The following RBFOX3 variants were observed in gnomAD, a reference collection of about 807,000 sequenced individuals.
The protein encoded by RBFOX3 is RNA binding fox-1 homolog 3, also known as RNA binding protein fox-1 homolog 3.
RBFOX3 carries 17 observed loss-of-function variants against 48.7 expected under a neutral mutation model. That is an observed-to-expected ratio of 0.35 (90% confidence interval 0.24 to 0.52). The LOEUF (loss-of-function observed/expected upper bound fraction) is 0.52. Among genes scored for constraint, RBFOX3 ranks in the 20% least tolerant of loss-of-function variants. The probability of loss-of-function intolerance (pLI) is 0.94; values close to 1 mark genes in which losing one functional copy is unlikely to be tolerated. For synonymous variants in RBFOX3, 212 were observed against 209.5 expected (o/e 1.01, Z -0.10); for missense variants, 382 against 497.5 (o/e 0.77, Z 2.21).
chr17:79,243,489 G>A lies in RBFOX3; in HGVS notation c.-73-7684C>T, dbSNP rs766292391. Among the ~76,000 whole-genome samples the A allele has an allele frequency of 1.3e-5, 2 of 151,818 alleles. No individual in the cohort carries two copies. Among genetic ancestry groups the A allele is most frequent in the African/African-American group, 2.4e-5 (1 of 41,416 alleles). On this transcript the variant is annotated intron_variant, in intron 3 of 14. Coordinates refer to ENST00000693108, the MANE Select transcript of RBFOX3 (RefSeq NM_001350451.2). This position sits in a 1 kb window ranked among gnomAD's most constrained non-coding sequence, Gnocchi z 7.9. ...AAAGCCCATGTGCCTTTGCCCTGGGGTGTCATTTGGGACTGTGGAGTCGAC... is the reference window on the plus strand; with the variant it reads ...AAAGCCCATGTGCCTTTGCCCTGGGATGTCATTTGGGACTGTGGAGTCGAC...
At chr17:79,393,705 ACATCTGAGCCGGTCATCATACACAT>A (rs1248177391) in intron 2 of RBFOX3, among the ~76,000 whole-genome samples, 6 of 150,958 alleles carry the variant, frequency 4.0e-5, no homozygotes, top group Non-Finnish European at 1.5e-5. Flanking sequence ...GTCATCACGC[ACATCTGAGCCGGTCATCATACACAT>A]CATCTGAGCT....
chr17:79,565,360 G>C (rs1441910178), intron 1 of RBFOX3, among the ~76,000 whole-genome samples: 1 of 143,282 alleles, frequency 7.0e-6, no homozygotes. Context: ...TTTTTTTTGA[G>C]ACAGAGACTC....
At chr17:79,500,054 T>C (rs1348343109) in intron 1 of RBFOX3, among the ~76,000 whole-genome samples, 1 of 152,130 alleles carries the variant, frequency 6.6e-6, no homozygotes, top group African/African-American at 2.4e-5. Flanking sequence ...GCCTTGTATG[T>C]TTCCACTTGT....
intron 4 of RBFOX3, among the ~76,000 whole-genome samples, chr17:79,151,175 C>G (rs548438424): frequency 1.3e-5 from 2 of 152,060 alleles, no homozygotes; most frequent in Admixed American, 1.3e-4. Flanking sequence ...GCAACAAAGC[C>G]GGCATCAGAC....
chr17:79,468,373 G>T (rs979281091), intron 2 of RBFOX3, among the ~76,000 whole-genome samples: 1 of 152,180 alleles, frequency 6.6e-6, no homozygotes, highest in Non-Finnish European at 1.5e-5. Context: ...ACAGATGATG[G>T]ATGGATGCAT....
intron 2 of RBFOX3, among the ~76,000 whole-genome samples, chr17:79,327,441 G>A (rs373417876): frequency 6.6e-6 from 1 of 152,188 alleles, no homozygotes. Context: ...ATGATGGGTC[G>A]GTGGCCTGAG....
chr17:79,307,224 A>G (rs938463083), intron 3 of RBFOX3, among the ~76,000 whole-genome samples: 1 of 152,228 alleles, frequency 6.6e-6, no homozygotes, highest in Non-Finnish European at 1.5e-5. Context: ...ACTTGGGCAA[A>G]GCTTTTTGAC....
At chr17:79,502,303 T>C (rs982825307) in intron 1 of RBFOX3, among the ~76,000 whole-genome samples, 51 of 152,080 alleles carry the variant, frequency 3.4e-4, no homozygotes, top group Admixed American at 6.5e-4. Context: ...GAACCTAGAA[T>C]AGCCAAATTC....
chr17:79,592,751 G>A (rs940500506), intron 1 of RBFOX3, among the ~76,000 whole-genome samples: 6 of 152,186 alleles, frequency 3.9e-5, no homozygotes, highest in African/African-American at 7.2e-5. Context: ...CAAGGCTGTC[G>A]TCTGTTTCAG....
intron 2 of RBFOX3, among the ~76,000 whole-genome samples, chr17:79,348,466 T>C (rs187097556): frequency 7.6e-4 from 116 of 152,168 alleles, no homozygotes; most frequent in African/African-American, 2.7e-3. Context: ...CTCCATCTGC[T>C]GTCTCATTGG....
chr17:79,260,254 C>T (rs2065539923), intron 3 of RBFOX3, among the ~76,000 whole-genome samples: 1 of 152,130 alleles, frequency 6.6e-6, no homozygotes, highest in Non-Finnish European at 1.5e-5. Flanking sequence ...CGGGGACCCC[C>T]TGCCCTGCTG....
intron 3 of RBFOX3, among the ~76,000 whole-genome samples, chr17:79,307,266 T>C (rs988186563): frequency 6.6e-6 from 1 of 152,190 alleles, no homozygotes; most frequent in African/African-American, 2.4e-5. Flanking sequence ...CACCGGGAGA[T>C]CTTGCGGTCA....
chr17:79,152,395 G>A (rs984107473), intron 4 of RBFOX3, among the ~76,000 whole-genome samples: 3 of 152,064 alleles, frequency 2.0e-5, no homozygotes, highest in Non-Finnish European at 2.9e-5. Context: ...GGCCCAGAGA[G>A]TCATAGGAGC....
chr17:79,133,043 G>C (rs909746043), intron 4 of RBFOX3, among the ~76,000 whole-genome samples: 3 of 152,190 alleles, frequency 2.0e-5, no homozygotes, highest in African/African-American at 7.2e-5. Flanking sequence ...CCAAGGCTGG[G>C]TGGGCCTCAA....
intron 1 of RBFOX3, among the ~76,000 whole-genome samples, chr17:79,485,370 T>C (rs1234741555): frequency 6.6e-6 from 1 of 151,872 alleles, no homozygotes; most frequent in Non-Finnish European, 1.5e-5. Flanking sequence ...ACATAAACCC[T>C]TGAAGGAGAG....
At chr17:79,354,430 G>A (rs557262605) in intron 2 of RBFOX3, among the ~76,000 whole-genome samples, 56 of 152,372 alleles carry the variant, frequency 3.7e-4, no homozygotes, top group African/African-American at 1.3e-3. Context: ...GGCACTGGGA[G>A]CATCTGCCTG....
At chr17:79,201,598 G>A (rs1045680301) in intron 4 of RBFOX3, among the ~76,000 whole-genome samples, 1 of 152,178 alleles carries the variant, frequency 6.6e-6, no homozygotes, top group African/African-American at 2.4e-5. Context: ...GACTGTTCAC[G>A]ATCTCTCTTC....
chr17:79,140,945 C>A (rs892448188), intron 4 of RBFOX3, among the ~76,000 whole-genome samples: 5 of 152,176 alleles, frequency 3.3e-5, no homozygotes, highest in African/African-American at 1.2e-4. Flanking sequence ...TCCTCTCCTA[C>A]CAATGCTGAA....
At chr17:79,321,424 A>C (rs71387914) in intron 2 of RBFOX3, among the ~76,000 whole-genome samples, 2,530 of 152,286 alleles carry the variant, frequency 0.017, 36 homozygotes, top group Middle Eastern at 0.041. Context: ...TCCGGCCCCA[A>C]CACGCCCACT....
Sources: allele counts gnomAD v4.1 joint callset (sites outside exome capture counted in the v4.1 genomes callset), GRCh38; gene constraint gnomAD v4.1.1; non-coding constraint Gnocchi (gnomAD v3.1); transcripts MANE v1.5; gene names NCBI Gene and HGNC (gene_info 2026-07-23, HGNC 2026-07-21).